Variants in NEGR1 observed in about 807,000 individuals in gnomAD.
The protein encoded by NEGR1 is neuronal growth regulator 1, also known as IgLON family member 4.
A neutral mutation model predicts 40.9 loss-of-function variants in NEGR1; 10 were observed. The observed-to-expected ratio is 0.24, with a 90% confidence interval of 0.15 to 0.42. The LOEUF is 0.42. Among genes scored for constraint, NEGR1 ranks in the 10% least tolerant of loss-of-function variants. The pLI is 1.00. For missense variants in NEGR1, 352 were observed against 438.9 expected, an observed-to-expected ratio of 0.80 and a Z score of 1.77; for synonymous variants, 185 against 166.8, an observed-to-expected ratio of 1.11 and a Z score of -0.84.
At chr1:71,803,764 G>A (rs1037290890) in intron 2 of NEGR1, among the ~76,000 whole-genome samples, 9 of 152,002 alleles carry the variant, frequency 5.9e-5, no homozygotes, top group Admixed American at 6.6e-5. Flanking sequence ...ACCTTCTGAC[G>A]TATTACATAA....
At chr1:72,267,415 T>C (rs1655684142) in intron 1 of NEGR1, among the ~76,000 whole-genome samples, 1 of 149,872 alleles carries the variant, frequency 6.7e-6, no homozygotes, top group Non-Finnish European at 1.5e-5. Flanking sequence ...AGAATTTTCA[T>C]TTTAGGGATT....
chr1:72,127,318 G>A (rs192013464), intron 1 of NEGR1, among the ~76,000 whole-genome samples: 53 of 151,814 alleles, frequency 3.5e-4, no homozygotes, highest in Non-Finnish European at 2.1e-4. Context: ...CAAAAAATTA[G>A]CCAGGGGTGG....
At chr1:71,935,624 A>T (rs1645898685) in intron 1 of NEGR1, among the ~76,000 whole-genome samples, 2 of 152,090 alleles carry the variant, frequency 1.3e-5, no homozygotes, top group South Asian at 4.1e-4. Flanking sequence ...ACATCTAAAT[A>T]AAGCTAAATT....
chr1:71,811,898 T>TTTTA (rs1658016147), intron 2 of NEGR1, among the ~76,000 whole-genome samples: 1 of 151,016 alleles, frequency 6.6e-6, no homozygotes, highest in Non-Finnish European at 1.5e-5. Context: ...TTTTATTTTA[T>TTTTA]TTTATTTTAT....
chr1:72,072,719 G>A (rs971908458), intron 1 of NEGR1, among the ~76,000 whole-genome samples: 6 of 149,596 alleles, frequency 4.0e-5, no homozygotes, highest in African/African-American at 7.4e-5. Context: ...CAAAGGCATC[G>A]ATCTGAGCTT....
At chr1:72,124,931 A>G (rs1402617522) in intron 1 of NEGR1, among the ~76,000 whole-genome samples, 2 of 152,086 alleles carry the variant, frequency 1.3e-5, no homozygotes, top group African/African-American at 4.8e-5. Flanking sequence ...TTTTAAAGTG[A>G]GTAGTATTTT....
At chr1:71,439,333 G>A (rs1011050078) in intron 6 of NEGR1, among the ~76,000 whole-genome samples, 7 of 152,186 alleles carry the variant, frequency 4.6e-5, no homozygotes, top group South Asian at 4.2e-4. Context: ...AAATTTCACC[G>A]TATGTCCTTT....
At chr1:71,961,768 G>A (rs1444715197) in intron 1 of NEGR1, among the ~76,000 whole-genome samples, 2 of 151,880 alleles carry the variant, frequency 1.3e-5, no homozygotes, top group Non-Finnish European at 2.9e-5. Context: ...ACTATCTTCT[G>A]GAGCTATTTT....
intron 1 of NEGR1, among the ~76,000 whole-genome samples, chr1:72,148,825 C>T (rs564525319): frequency 1.6e-3 from 250 of 152,256 alleles, no homozygotes; most frequent in African/African-American, 5.7e-3. Context: ...TCAGGCTGGA[C>T]CTTATTGTTT....
chr1:71,628,032 C>T (rs532987627), intron 4 of NEGR1, among the ~76,000 whole-genome samples: 13 of 152,152 alleles, frequency 8.5e-5, no homozygotes, highest in African/African-American at 2.9e-4. Flanking sequence ...TGATAACTCA[C>T]CATGGGAGGA....
intron 3 of NEGR1, among the ~76,000 whole-genome samples, chr1:71,766,172 CAAAA>C (rs35894619): frequency 9.1e-6 from 1 of 109,948 alleles, no homozygotes; most frequent in Non-Finnish European, 1.8e-5. Context: ...GACTCCGTCT[CAAAA>C]AAAAAAAAAA....
intron 2 of NEGR1, among the ~76,000 whole-genome samples, chr1:71,861,782 T>C (rs1166230337): frequency 6.6e-6 from 1 of 152,128 alleles, no homozygotes; most frequent in Non-Finnish European, 1.5e-5. Flanking sequence ...TAGTGAGTAA[T>C]TATCACTGTT....
intron 6 of NEGR1, among the ~76,000 whole-genome samples, chr1:71,449,400 T>C (rs1017500571): frequency 3.9e-5 from 6 of 152,184 alleles, no homozygotes; most frequent in African/African-American, 1.4e-4. Flanking sequence ...CATTTAGAGC[T>C]ATTATTTGGA....
intron 1 of NEGR1, among the ~76,000 whole-genome samples, chr1:72,096,726 AT>A (rs1648713802): frequency 6.6e-6 from 1 of 151,812 alleles, no homozygotes; most frequent in Admixed American, 6.6e-5. Flanking sequence ...CAGTGGTGCG[AT>A]TTTGGCTCAC....
At chr1:71,800,783 A>C (rs1445548117) in intron 2 of NEGR1, among the ~76,000 whole-genome samples, 2 of 152,078 alleles carry the variant, frequency 1.3e-5, no homozygotes, top group African/African-American at 4.8e-5. Flanking sequence ...TCTCTCCCAC[A>C]TCATCCAGTG....
intron 5 of NEGR1, among the ~76,000 whole-genome samples, chr1:71,604,896 A>G (rs1650030560): frequency 6.6e-6 from 1 of 152,208 alleles, no homozygotes; most frequent in Non-Finnish European, 1.5e-5. Context: ...ATGTTGCTTA[A>G]AAGTCAAGAT....
chr1:71,995,464 T>C (rs779490157), intron 1 of NEGR1, among the ~76,000 whole-genome samples: 3 of 152,072 alleles, frequency 2.0e-5, no homozygotes, highest in Non-Finnish European at 4.4e-5. Flanking sequence ...TACAGGCACA[T>C]ATATCAGAGA....
At chr1:72,225,849 G>T (rs140221230) in intron 1 of NEGR1, among the ~76,000 whole-genome samples, 3 of 151,538 alleles carry the variant, frequency 2.0e-5, no homozygotes, top group African/African-American at 7.3e-5. Context: ...TCACAATTAC[G>T]TTTGGTACAA....
intron 1 of NEGR1, among the ~76,000 whole-genome samples, chr1:72,223,949 G>C (rs1469856539): frequency 6.6e-6 from 1 of 152,058 alleles, no homozygotes; most frequent in Non-Finnish European, 1.5e-5. Context: ...TTGCACCACT[G>C]CACTTTTCTG....
Sources: gnomAD v4.1 joint callset for allele counts (sites outside exome capture counted in the v4.1 genomes callset) on GRCh38, gnomAD v4.1.1 for gene constraint, MANE v1.5 for transcripts, NCBI Gene and HGNC (gene_info 2026-07-23, HGNC 2026-07-21) for gene names.